The following SBF2 variants were observed in gnomAD, a reference collection of about 807,000 sequenced individuals.
The protein encoded by SBF2 is myotubularin-related protein 13.
Under a neutral mutation model 225.2 loss-of-function variants are expected in SBF2, and 112 were observed. The observed-to-expected ratio is 0.50, with a 90% CI of 0.43 to 0.58. The LOEUF is 0.58. Among genes scored for constraint, SBF2 ranks in the 20% least tolerant of loss-of-function variants. The pLI is 0.00. For missense variants in SBF2, 1,996 were observed against 2,206.2 expected (o/e 0.90, Z 1.91); for synonymous variants, 763 against 773.3 (o/e 0.99, Z 0.22).
At chr11:9,919,047 T>A (rs1468241876) in intron 16 of SBF2, among the ~76,000 whole-genome samples, 2 of 152,164 alleles carry the variant, frequency 1.3e-5, no homozygotes, top group East Asian at 3.9e-4. Context: ...TGGCTTTTTT[T>A]ATTTTTTAAT....
intron 2 of SBF2, among the ~76,000 whole-genome samples, chr11:10,089,442 G>C (rs973935076): frequency 6.6e-6 from 1 of 152,058 alleles, no homozygotes; most frequent in Non-Finnish European, 1.5e-5. Flanking sequence ...CTTTCTTCTT[G>C]AATGCCTCCC....
chr11:10,101,590 G>A (rs1952303222), intron 2 of SBF2, among the ~76,000 whole-genome samples: 1 of 151,816 alleles, frequency 6.6e-6, no homozygotes, highest in African/African-American at 2.4e-5. Context: ...CCGGAAACCT[G>A]GTATGCCGGC....
chr11:9,849,969 G>A, intron 22 of SBF2, 54 bp downstream of exon 22: 9 of 1,505,928 alleles, frequency 6.0e-6, no homozygotes, highest in South Asian at 1.1e-5. Context: ...AGATGGGATC[G>A]AGACCTCATG....
At chr11:10,270,473 T>C (rs1962381933) in intron 1 of SBF2, among the ~76,000 whole-genome samples, 1 of 152,208 alleles carries the variant, frequency 6.6e-6, no homozygotes, top group Non-Finnish European at 1.5e-5. Context: ...TCATCCTTAT[T>C]GTCCTCATGT....
At chr11:10,096,983 C>T (rs1952049964) in intron 2 of SBF2, among the ~76,000 whole-genome samples, 1 of 152,152 alleles carries the variant, frequency 6.6e-6, no homozygotes, top group Non-Finnish European at 1.5e-5. Context: ...ATGACTTTCT[C>T]TAGAACCTAC....
rs1863727903 is a variant in SBF2, at chr11:9,922,709, C to T, written c.1861-26698G>A. On this transcript the variant is annotated intron_variant, in intron 16 of 39. Coordinates refer to ENST00000256190, the MANE Select transcript of SBF2 (RefSeq NM_030962.4). ...TGAAACATACCCTTGTAACTGAGCACCCCCATTTTTCTGAGACAGAGAGAA... is the reference window on the plus strand; with the variant it reads ...TGAAACATACCCTTGTAACTGAGCATCCCCATTTTTCTGAGACAGAGAGAA... 1.3e-5 allele frequency among the ~76,000 whole-genome samples: 2 copies of T among 152,124 alleles called. 1 individual carries two copies. Among genetic ancestry groups the T allele is most frequent in the South Asian group, 4.1e-4 (2 of 4,822 alleles).
chr11:9,800,741 G>T (rs1383295666), intron 32 of SBF2, among the ~76,000 whole-genome samples: 3 of 152,056 alleles, frequency 2.0e-5, no homozygotes, highest in African/African-American at 7.2e-5. Flanking sequence ...TAGAGGTGGG[G>T]TCTTGCTGTG....
chr11:9,907,679 TTTAAG>T (rs1450436695), intron 16 of SBF2, among the ~76,000 whole-genome samples: 1 of 152,178 alleles, frequency 6.6e-6, no homozygotes, highest in Admixed American at 6.5e-5. Flanking sequence ...CAAGCTTTAT[TTTAAG>T]TTATTTGAGT....
At chr11:10,067,224 T>C (rs1341654217) in intron 2 of SBF2, among the ~76,000 whole-genome samples, 1 of 152,110 alleles carries the variant, frequency 6.6e-6, no homozygotes, top group Non-Finnish European at 1.5e-5. Context: ...CCCAAACAAA[T>C]AGGAAGATGT....
chr11:10,156,781 C>A (rs367951786), intron 2 of SBF2, among the ~76,000 whole-genome samples: 4 of 152,188 alleles, frequency 2.6e-5, no homozygotes, highest in African/African-American at 9.7e-5. Flanking sequence ...ACACAAACAA[C>A]TGGAAAAACA....
In SBF2 at chr11:10,263,334, GT is replaced by G. The variant is rs138113983; in HGVS notation, c.55+30680del. Among the ~76,000 whole-genome samples, 17 of 151,444 alleles carry G rather than the reference GT, an allele frequency of 1.1e-4. No individual in the cohort carries two copies. In the East Asian group the frequency reaches 3.1e-3, roughly 28 times the overall value. ...AGTATCAGATATAGTAAAAATTCAA[GT>G]TTTTTTTTAATTTGTGTGAATTATA... is the stretch of plus-strand genomic sequence containing the variant. On this transcript the variant is annotated intron_variant, in intron 1 of 39. Transcript: ENST00000256190.
At chr11:9,866,405 G>A (rs1254727258) in intron 17 of SBF2, among the ~76,000 whole-genome samples, 1 of 152,098 alleles carries the variant, frequency 6.6e-6, no homozygotes. Context: ...ACAGAATAGG[G>A]AACCCATAAA....
chr11:10,273,066 T>C (rs1962649957), intron 1 of SBF2, among the ~76,000 whole-genome samples: 1 of 143,006 alleles, frequency 7.0e-6, no homozygotes, highest in African/African-American at 2.6e-5. Flanking sequence ...TGAGACTCCG[T>C]CTCCGAAAAA....
intron 14 of SBF2, among the ~76,000 whole-genome samples, chr11:9,965,675 C>T (rs1383633425): frequency 6.6e-6 from 1 of 152,274 alleles, no homozygotes; most frequent in African/African-American, 2.4e-5. Context: ...ACCCAGCTTC[C>T]CCCTATGGTG....
chr11:10,055,710 G>T (rs1331907250), intron 2 of SBF2, among the ~76,000 whole-genome samples: 1 of 152,134 alleles, frequency 6.6e-6, no homozygotes, highest in African/African-American at 2.4e-5. Flanking sequence ...TTTTAAGTAA[G>T]AGCTAAGCTA....
intron 16 of SBF2, among the ~76,000 whole-genome samples, chr11:9,902,812 C>T (rs1590383095): frequency 6.6e-6 from 1 of 152,146 alleles, no homozygotes; most frequent in Middle Eastern, 3.4e-3. Flanking sequence ...CATAGACTTT[C>T]TAAGGGAGTG....
At chr11:9,978,059 C>T (rs1946780571) in intron 13 of SBF2, among the ~76,000 whole-genome samples, 1 of 152,132 alleles carries the variant, frequency 6.6e-6, no homozygotes, top group Non-Finnish European at 1.5e-5. Flanking sequence ...AATTAGATGG[C>T]TGGTTCTTGC....
intron 1 of SBF2, among the ~76,000 whole-genome samples, chr11:10,196,837 A>ATATATATATATATAT (rs1957372454): frequency 2.4e-5 from 2 of 83,522 alleles, no homozygotes; most frequent in Non-Finnish European, 2.4e-5. Flanking sequence ...TTCTTGCATA[A>ATATATATATATATAT]ATATATATAT....
At chr11:9,936,330 T>C (rs367960217) in intron 16 of SBF2, among the ~76,000 whole-genome samples, 106 of 152,112 alleles carry the variant, frequency 7.0e-4, no homozygotes, top group Non-Finnish European at 1.1e-3. Context: ...TGTGGAGAAA[T>C]AGGAATGCTT....
Sources: allele counts gnomAD v4.1 joint callset (sites outside exome capture counted in the v4.1 genomes callset), GRCh38; gene constraint gnomAD v4.1.1; transcripts MANE v1.5; gene names NCBI Gene and HGNC (gene_info 2026-07-23, HGNC 2026-07-21).